The following GALNTL6 variants were observed in gnomAD, a reference collection of about 807,000 sequenced individuals.
The protein encoded by GALNTL6 is polypeptide N-acetylgalactosaminyltransferase-like 6.
A neutral mutation model predicts 73.7 loss-of-function variants in GALNTL6; 46 were observed. The ratio of observed to expected loss-of-function variants is 0.62; its 90% confidence interval spans 0.49 to 0.80. The LOEUF (loss-of-function observed/expected upper bound fraction) is 0.80. GALNTL6 is among the 30% of genes least tolerant of loss of function. The pLI is 0.00. For missense variants in GALNTL6, 604 were observed against 755.0 expected (o/e 0.80, Z 2.34); for synonymous variants, 259 against 263.7 (o/e 0.98, Z 0.17).
chr4:172,923,759 T>G (rs1747908071), intron 8 of GALNTL6, among the ~76,000 whole-genome samples: 1 of 152,140 alleles, frequency 6.6e-6, no homozygotes, highest in Non-Finnish European at 1.5e-5. Context: ...GGCCTCACTA[T>G]CATGGTGGAA....
chr4:172,237,235 A>G (rs997033918), intron 3 of GALNTL6, among the ~76,000 whole-genome samples: 1 of 152,188 alleles, frequency 6.6e-6, no homozygotes, highest in African/African-American at 2.4e-5. Context: ...TATACCCAAT[A>G]ATGCATTACT....
At chr4:172,490,071 C>G (rs1733842076) in intron 5 of GALNTL6, among the ~76,000 whole-genome samples, 1 of 152,058 alleles carries the variant, frequency 6.6e-6, no homozygotes, top group Non-Finnish European at 1.5e-5. Flanking sequence ...CATCTAGAGA[C>G]CAATTACTGA....
chr4:171,972,558 T>C (rs995210765), intron 2 of GALNTL6, among the ~76,000 whole-genome samples: 1 of 152,134 alleles, frequency 6.6e-6, no homozygotes, highest in Non-Finnish European at 1.5e-5. Flanking sequence ...CCTGGTCATA[T>C]AAATAGAAGA....
intron 5 of GALNTL6, among the ~76,000 whole-genome samples, chr4:172,483,536 C>A (rs1036714734): frequency 9.9e-5 from 15 of 152,088 alleles, no homozygotes; most frequent in Non-Finnish European, 1.8e-4. Context: ...ATCTTTTCAG[C>A]AACAGTGATT....
At chr4:172,879,143 T>C (rs1745334739) in intron 7 of GALNTL6, among the ~76,000 whole-genome samples, 1 of 151,860 alleles carries the variant, frequency 6.6e-6, no homozygotes, top group Non-Finnish European at 1.5e-5. Context: ...ACTGACAGAA[T>C]AGCAGGAAGA....
At chr4:172,893,853 A>G (rs1746180534) in intron 8 of GALNTL6, among the ~76,000 whole-genome samples, 1 of 152,012 alleles carries the variant, frequency 6.6e-6, no homozygotes, top group African/African-American at 2.4e-5. Flanking sequence ...TGCCAATTCA[A>G]ATGTCTCTGA....
chr4:172,369,614 C>T (rs1241505169), intron 5 of GALNTL6, among the ~76,000 whole-genome samples: 1 of 152,184 alleles, frequency 6.6e-6, no homozygotes, highest in Admixed American at 6.5e-5. Flanking sequence ...AGCCCTGCCC[C>T]ATGGGAAGGC....
chr4:172,174,607 A>G (rs999802023), intron 2 of GALNTL6, among the ~76,000 whole-genome samples: 1 of 152,192 alleles, frequency 6.6e-6, no homozygotes, highest in Non-Finnish European at 1.5e-5. Context: ...ATTGATAAAA[A>G]GAAAGATAAG....
intron 2 of GALNTL6, among the ~76,000 whole-genome samples, chr4:171,909,406 C>T (rs1737405801): frequency 6.6e-6 from 1 of 152,136 alleles, no homozygotes; most frequent in South Asian, 2.1e-4. Context: ...TCATCTGATG[C>T]TGGCTTTCAC....
chr4:172,312,690 C>T (rs1039554379), intron 4 of GALNTL6, among the ~76,000 whole-genome samples: 1 of 152,110 alleles, frequency 6.6e-6, no homozygotes, highest in South Asian at 2.1e-4. Flanking sequence ...GCGAATAAAA[C>T]TCCTTAACTT....
intron 2 of GALNTL6, among the ~76,000 whole-genome samples, chr4:172,023,034 A>C (rs1396534878): frequency 2.0e-5 from 3 of 151,998 alleles, no homozygotes; most frequent in Non-Finnish European, 4.4e-5. Flanking sequence ...ACCAAATGCA[A>C]GAATCCATCT....
At position 172,169,337 on chromosome 4, in the gene GALNTL6, T is replaced by C. The variant is rs533864055; in HGVS notation, c.139-60319T>C. 1.7e-4 allele frequency among the ~76,000 whole-genome samples: 26 copies of C among 152,358 alleles called. No individual in the cohort carries two copies. In the East Asian group the frequency reaches 4.2e-3, roughly 25 times the overall value. ...TGTTTAAAGAGATTCCTGCCACAGC[T>C]GAAAGTTATTTTAGACAACTTCTAA... On this transcript the variant is annotated intron_variant, in intron 2 of 12. Coordinates refer to ENST00000506823, the MANE Select transcript of GALNTL6 (RefSeq NM_001034845.3).
chr4:172,730,952 C>A (rs1413729250), intron 5 of GALNTL6, among the ~76,000 whole-genome samples: 1 of 151,910 alleles, frequency 6.6e-6, no homozygotes, highest in African/African-American at 2.4e-5. Flanking sequence ...TGGTGGTATG[C>A]ACCTGTACTC....
At chr4:172,807,921 C>T (rs1741062526) in intron 5 of GALNTL6, among the ~76,000 whole-genome samples, 1 of 152,214 alleles carries the variant, frequency 6.6e-6, no homozygotes. Context: ...CTCCCGGGTT[C>T]AATCAATTCT....
intron 10 of GALNTL6, among the ~76,000 whole-genome samples, chr4:172,965,527 G>A (rs1291399804): frequency 2.0e-5 from 3 of 151,930 alleles, no homozygotes; most frequent in East Asian, 3.9e-4. Context: ...AGCTTGCAGT[G>A]AGCTGAGATT....
intron 5 of GALNTL6, among the ~76,000 whole-genome samples, chr4:172,396,302 T>C (rs747337559): frequency 1.3e-4 from 5 of 37,332 alleles, no homozygotes; most frequent in Admixed American, 5.3e-4. Context: ...GCAATTACTA[T>C]TTTCTTTTTT....
At chr4:172,248,647 C>T (rs1321736661) in intron 3 of GALNTL6, among the ~76,000 whole-genome samples, 1 of 152,100 alleles carries the variant, frequency 6.6e-6, no homozygotes, top group East Asian at 1.9e-4. Flanking sequence ...AATTGTAGTT[C>T]CCATAATTCC....
At chr4:172,196,118 A>G (rs1735760478) in intron 2 of GALNTL6, among the ~76,000 whole-genome samples, 1 of 151,974 alleles carries the variant, frequency 6.6e-6, no homozygotes, top group Admixed American at 6.6e-5. Flanking sequence ...AGGGGATATC[A>G]CCACTGACCC....
chr4:172,370,267 G>A (rs558445881), intron 5 of GALNTL6, among the ~76,000 whole-genome samples: 2 of 152,054 alleles, frequency 1.3e-5, no homozygotes, highest in South Asian at 2.1e-4. Flanking sequence ...TGATGGCCTC[G>A]ATTCTAGCGG....
Sources: allele counts gnomAD v4.1 joint callset (sites outside exome capture counted in the v4.1 genomes callset), GRCh38; gene constraint gnomAD v4.1.1; transcripts MANE v1.5; gene names NCBI Gene and HGNC (gene_info 2026-07-23, HGNC 2026-07-21).